The following LMO3 variants were observed in gnomAD, a reference collection of about 807,000 sequenced individuals.
The protein encoded by LMO3 is LIM domain only protein 3.
Under a neutral mutation model 15.8 loss-of-function variants are expected in LMO3, and 2 were observed. The ratio of observed to expected loss-of-function variants is 0.13; its 90% CI spans 0.05 to 0.40. The LOEUF is 0.40. Ranked by LOEUF, LMO3 falls within the 10% of genes least tolerant of loss-of-function variation. The pLI is 0.99. For missense variants in LMO3, 86 were observed against 182.2 expected, an observed-to-expected ratio of 0.47 and a Z score of 3.04; for synonymous variants, 62 against 63.8, an observed-to-expected ratio of 0.97 and a Z score of 0.13.
chr12:16,594,289 G>A (rs759689590), intron 2 of LMO3: 10 of 1,515,060 alleles, frequency 6.6e-6, no homozygotes, highest in South Asian at 1.2e-5. Flanking sequence ...CCATGTGTCA[G>A]CAGAAGTAAT....
At chr12:16,569,114 C>A (rs938659933) in intron 2 of LMO3, among the ~76,000 whole-genome samples, 2 of 152,126 alleles carry the variant, frequency 1.3e-5, no homozygotes, top group Admixed American at 6.6e-5. Context: ...AAGACAGCAA[C>A]AACAATATGT....
rs1300711639 is a variant in LMO3, at chr12:16,560,513, C to T, written c.232G>A (p.Ala78Thr). The T allele has an allele frequency of 3.1e-6, 5 of 1,612,906 alleles. No individual in the cohort carries two copies. Among genetic ancestry groups the T allele is most frequent in the African/African-American group, 1.3e-5 (1 of 74,738 alleles). Residue 78 changes from alanine (A) to threonine (T), a missense_variant, in exon 3 of 4, where the codon GCT (alanine) becomes ACT (threonine). This residue lies in a region of LMO3 where 51 missense variants were observed against 140.3 expected (regional missense o/e 0.36). Coordinates refer to ENST00000537304, the MANE Select transcript of LMO3 (RefSeq NM_018640.5). The surrounding 1 kb of genome is among the most constrained non-coding windows in gnomAD (Gnocchi z 5.0). ...GCAGGGATGAGCTTACTACAGGCAG[C>T]GCAGTTTCCCGTTACACCAAAGAGC... ...LRLFGVTGNC[A>T]ACSKLIPAFE...
Position 16,589,075 on chromosome 12 carries a change from C to T in LMO3, c.206+11580G>A, listed in dbSNP as rs929527576. 1.3e-5 allele frequency among the ~76,000 whole-genome samples: 2 copies of T among 152,034 alleles called. No individual in the cohort carries two copies. Among genetic ancestry groups the T allele is most frequent in the East Asian group, 1.9e-4 (1 of 5,190 alleles). ...CTGGGGTGTAGCAGAAGGGGGTCGA[C>T]GTCAGGTCTGGATACCTCACCGTGA... On this transcript the variant is annotated intron_variant, in intron 2 of 3. Coordinates refer to ENST00000537304, the MANE Select transcript of LMO3 (RefSeq NM_018640.5). This position sits in a 1 kb window ranked among gnomAD's most constrained non-coding sequence, Gnocchi z 4.2.
Position 16,589,127 on chromosome 12 carries a change from A to G in LMO3, c.206+11528T>C, listed in dbSNP as rs2137603009. 6.6e-6 allele frequency among the ~76,000 whole-genome samples: 1 copy of G among 152,200 alleles called. No individual in the cohort carries two copies. Among genetic ancestry groups the G allele is most frequent in the East Asian group, 1.9e-4 (1 of 5,164 alleles). On this transcript the variant is annotated intron_variant, in intron 2 of 3. Transcript: ENST00000537304. This position sits in a 1 kb window ranked among gnomAD's most constrained non-coding sequence, Gnocchi z 4.2. ...GCAACCTGACATGCCTCTAAGATCTACGAATTAGATGTAACCTCACCCAGT... is the reference window on the plus strand; with the variant it reads ...GCAACCTGACATGCCTCTAAGATCTGCGAATTAGATGTAACCTCACCCAGT...
Position 16,600,846 on chromosome 12 carries a change from C to A in LMO3, c.15G>T (p.Gln5His). Reference protein sequence around the residue: MLSVQPDTKPKGCAG... With the variant: MLSVHPDTKPKGCAG... ...CACAACCTTTCGGCTTGGTGTCTGG[C>A]TGGACTGAGAGCATTTGTATACCTA... is the stretch of plus-strand genomic sequence containing the variant. Residue 5 changes from glutamine (Q) to histidine (H), a missense_variant, in exon 2 of 4, where the codon CAG becomes CAT. Gln to His is a conservative substitution (Grantham distance 24, BLOSUM62 0). Around this residue, in one of 3 missense-constraint regions of LMO3, gnomAD observed 16 missense variants for 21.8 expected, o/e 0.73. Transcript: ENST00000537304. 1.2e-6 allele frequency: 2 copies of A among 1,613,956 alleles called. No individual in the cohort carries two copies. The highest frequency in any genetic ancestry group is 1.7e-6 in the Non-Finnish European group (2 of 1,179,962).
rs933109841 is a variant in LMO3 at position 16,559,227 on chromosome 12, G to C, written c.332+1186C>G. ...TATCAAGTGTTCTAATTTTTGAAATGTTGTATTTTTAATACGTACATTTTA... is the reference window on the plus strand; with the variant it reads ...TATCAAGTGTTCTAATTTTTGAAATCTTGTATTTTTAATACGTACATTTTA... On this transcript the variant is annotated intron_variant, in intron 3 of 3. Coordinates refer to ENST00000537304, the MANE Select transcript of LMO3 (RefSeq NM_018640.5). The surrounding 1 kb of genome is among the most constrained non-coding windows in gnomAD (Gnocchi z 4.1). Among the ~76,000 whole-genome samples, 1 of 152,094 alleles carries C rather than the reference G, an allele frequency of 6.6e-6. No homozygotes were observed. Among genetic ancestry groups the C allele is most frequent in the African/African-American group, 2.4e-5 (1 of 41,408 alleles).
At chr12:16,562,827 C>G (rs544969288) in intron 2 of LMO3, among the ~76,000 whole-genome samples, 2 of 152,338 alleles carry the variant, frequency 1.3e-5, no homozygotes, top group Non-Finnish European at 2.9e-5. Context: ...TGGTCCGAGT[C>G]TCTGATGGCT....
At chr12:16,600,531 C>T in intron 2 of LMO3, 124 bp downstream of exon 2, 3 of 771,414 alleles carry the variant, frequency 3.9e-6, no homozygotes, top group Non-Finnish European at 6.3e-6. Context: ...TGAAGGCTGA[C>T]AGGTAACTTC....
In LMO3 at chr12:16,586,721, G is replaced by GT. The variant is rs1274286295; in HGVS notation, c.206+13933dup. Among the ~76,000 whole-genome samples the GT allele has an allele frequency of 3.3e-5, 5 of 152,114 alleles. No homozygotes were observed. The highest frequency in any genetic ancestry group is 4.8e-5 in the African/African-American group (2 of 41,412). On this transcript the variant is annotated intron_variant, in intron 2 of 3. Coordinates refer to ENST00000537304, the MANE Select transcript of LMO3 (RefSeq NM_018640.5). The surrounding 1 kb of genome is among the most constrained non-coding windows in gnomAD (Gnocchi z 4.3). ...TTGACCCCCCATTGCAGTAGATGATGTTTTTTTCCATTTCTCTGGTACTTG... is the reference window on the plus strand; with the variant it reads ...TTGACCCCCCATTGCAGTAGATGATGTTTTTTTTCCATTTCTCTGGTACTTG...
At chr12:16,567,667 G>A (rs1434643763) in intron 2 of LMO3, 2 of 152,170 alleles carry the variant, frequency 1.3e-5, no homozygotes, top group Non-Finnish European at 2.9e-5. Flanking sequence ...TAGTCTGCTT[G>A]GTGGAGGTTA....
rs754368865 is a variant in LMO3 at position 16,560,523 on chromosome 12, C to T, written c.222G>A (p.Thr74=). 1.4e-5 allele frequency: 22 copies of T among 1,611,606 alleles called. No individual in the cohort carries two copies. Among genetic ancestry groups the T allele is most frequent in the African/African-American group, 4.0e-5 (3 of 74,704 alleles). Residue 74 remains threonine, a synonymous_variant, in exon 3 of 4, where the codon ACG becomes ACA. Transcript: ENST00000537304. This position sits in a 1 kb window ranked among gnomAD's most constrained non-coding sequence, Gnocchi z 5.0. Reference sequence around the variant, plus strand: ...GCTTACTACAGGCAGCGCAGTTTCCCGTTACACCAAAGAGCCTAGAATAAG... The same window carrying T: ...GCTTACTACAGGCAGCGCAGTTTCCTGTTACACCAAAGAGCCTAGAATAAG... ...RRDYLRLFGV[T]GNCAACSKLI... is the part of the protein sequence containing the mutation.
chr12:16,588,871 G>A (rs909214796), intron 2 of LMO3, among the ~76,000 whole-genome samples: 2 of 151,878 alleles, frequency 1.3e-5, no homozygotes, highest in African/African-American at 4.8e-5. Flanking sequence ...TCATAACTCA[G>A]TGCCATTCTC....
intron 1 of LMO3, chr12:16,605,213 C>T (rs1430444541): frequency 1.5e-6 from 2 of 1,316,382 alleles, no homozygotes; most frequent in Admixed American, 3.5e-5. Context: ...CTTTTAGCTT[C>T]CTGGTAACAA....
chr12:16,564,543 GT>G, intron 2 of LMO3, among the ~76,000 whole-genome samples: 1 of 152,292 alleles, frequency 6.6e-6, no homozygotes, highest in East Asian at 1.9e-4. Context: ...GGGAAAATGA[GT>G]GTTCATTGTA....
Position 16,566,077 on chromosome 12 carries a change from T to G in LMO3, c.207-5539A>C, listed in dbSNP as rs1942601155. On this transcript the variant is annotated intron_variant, in intron 2 of 3. Transcript: ENST00000537304. The stretch of plus-strand genomic sequence containing the variant: ...TATTCAGCCATAAAAAAGAATGAAA[T>G]CCTGTCATTTGTGACCACCTGGATG... Among the ~76,000 whole-genome samples the G allele has an allele frequency of 6.8e-5, 9 of 132,094 alleles. No individual in the cohort carries two copies. In the South Asian group the frequency reaches 2.3e-3, roughly 34 times the overall value. 86.7% of individuals were successfully genotyped at this position (132,094 alleles called of 152,430 possible).
rs771454712 is a variant in LMO3 at position 16,598,752 on chromosome 12, T to C, written c.206+1903A>G. On this transcript the variant is annotated intron_variant, in intron 2 of 3. Coordinates refer to ENST00000537304, the MANE Select transcript of LMO3 (RefSeq NM_018640.5). The surrounding 1 kb of genome is among the most constrained non-coding windows in gnomAD (Gnocchi z 4.3). ...ACAAATCTAAGATTACTGTCTTTGCTCGATGCTATGTTGACAGCTAAGAAG... is the reference window on the plus strand; with the variant it reads ...ACAAATCTAAGATTACTGTCTTTGCCCGATGCTATGTTGACAGCTAAGAAG... 1 of 154,580 alleles carries C rather than the reference T, an allele frequency of 6.5e-6. No individual in the cohort carries two copies. Among genetic ancestry groups the C allele is most frequent in the Non-Finnish European group, 1.4e-5 (1 of 68,966 alleles). 9.6% of individuals were successfully genotyped at this position (154,580 alleles called of 1,614,324 possible). A position where few individuals can be genotyped will look rare whatever the true frequency, so the allele number is the denominator to read the frequency against.
intron 2 of LMO3, among the ~76,000 whole-genome samples, chr12:16,581,315 T>C (rs563273023): frequency 1.5e-4 from 23 of 152,280 alleles, no homozygotes; most frequent in African/African-American, 5.1e-4. Flanking sequence ...TTGGGAACTT[T>C]GACTAAATGA....
chr12:16,601,564 T>A (rs1314327667), intron 1 of LMO3, among the ~76,000 whole-genome samples: 1 of 152,204 alleles, frequency 6.6e-6, no homozygotes, highest in Non-Finnish European at 1.5e-5. Context: ...CTTAACTATA[T>A]ACTATATGCT....
In LMO3 at chr12:16,548,599, C is replaced by T. The variant is rs376743170; in HGVS notation, c.*2623G>A. The T allele has an allele frequency of 1.3e-5, 2 of 152,080 alleles. No individual in the cohort carries two copies. The highest frequency in any genetic ancestry group is 3.9e-4 in the East Asian group (2 of 5,180). The allele number at this position is 152,080 out of a possible 1,614,324, so 9.4% of individuals were successfully genotyped here. A position where few individuals can be genotyped will look rare whatever the true frequency, so the allele number is the denominator to read the frequency against. ...CGCTGCTCAGAAATCAAAGCTCCAT[C>T]GGAGGTGTCCTACTGGAGGCATCAG... On this transcript the variant is annotated 3_prime_UTR_variant, in exon 4 of 4. Transcript: ENST00000537304. The surrounding 1 kb of genome is among the most constrained non-coding windows in gnomAD (Gnocchi z 4.2).
Sources: allele counts gnomAD v4.1 joint callset (sites outside exome capture counted in the v4.1 genomes callset), GRCh38; gene constraint gnomAD v4.1.1; regional missense constraint gnomAD v4.1.1; non-coding constraint Gnocchi (gnomAD v3.1); transcripts MANE v1.5; gene names NCBI Gene and HGNC (gene_info 2026-07-23, HGNC 2026-07-21).